The following CHST11 variants were observed in gnomAD, a reference collection of about 807,000 sequenced individuals.
CHST11 encodes the protein C4S-1.
A neutral mutation model predicts 30.4 loss-of-function variants in CHST11; 9 were observed. The ratio of observed to expected loss-of-function variants is 0.30; its 90% CI spans 0.18 to 0.52. CHST11 has a LOEUF of 0.52. Among genes scored for constraint, CHST11 ranks in the 20% least tolerant of loss-of-function variants. CHST11 has a pLI of 0.97. For missense variants in CHST11, 348 were observed against 460.6 expected (o/e 0.76, Z 2.24); for synonymous variants, 152 against 187.8 (o/e 0.81, Z 1.56).
At chr12:104,687,339 A>C (rs902112251) in intron 2 of CHST11, among the ~76,000 whole-genome samples, 3 of 152,248 alleles carry the variant, frequency 2.0e-5, no homozygotes, top group Non-Finnish European at 4.4e-5. Context: ...AATGTGTATA[A>C]ATCCTGGACA....
rs1017376466 is a variant in CHST11 at position 104,484,025 on chromosome 12, C to T, written c.118+26496C>T. Among the ~76,000 whole-genome samples, 169 of 152,212 alleles carry T rather than the reference C, an allele frequency of 1.1e-3. 2 individuals carry two copies. Among genetic ancestry groups the T allele is most frequent in the Non-Finnish European group, 4.3e-4 (29 of 68,046 alleles). On this transcript the variant is annotated intron_variant, in intron 1 of 2. Transcript: ENST00000303694. ...TACTGTCTGCGAAGGTCTGCTGTTT[C>T]TACTGCTACATAGTCACCTGCATCT...
chr12:104,457,799 T>C (rs575507035), intron 1 of CHST11, among the ~76,000 whole-genome samples: 4 of 148,278 alleles, frequency 2.7e-5, no homozygotes, highest in East Asian at 3.9e-4. Context: ...TTTTTTTTTT[T>C]TTTTTCTTCT....
At chr12:104,474,231 A>T (rs889741734) in intron 1 of CHST11, among the ~76,000 whole-genome samples, 2 of 152,204 alleles carry the variant, frequency 1.3e-5, no homozygotes, top group Admixed American at 6.5e-5. Flanking sequence ...AGGTTTCATT[A>T]TATATAGGGT....
At chr12:104,670,621 A>C (rs2039685488) in intron 2 of CHST11, among the ~76,000 whole-genome samples, 1 of 149,160 alleles carries the variant, frequency 6.7e-6, no homozygotes, top group African/African-American at 2.5e-5. Flanking sequence ...ATCCATACAC[A>C]CGCACTCACA....
intron 1 of CHST11, among the ~76,000 whole-genome samples, chr12:104,570,017 G>A (rs557049175): frequency 6.6e-5 from 10 of 152,158 alleles, no homozygotes; most frequent in Admixed American, 6.5e-5. Flanking sequence ...TGGTCTTGAC[G>A]TGTCTGACAA....
intron 2 of CHST11, among the ~76,000 whole-genome samples, chr12:104,679,370 C>T (rs371885392): frequency 2.0e-4 from 31 of 152,198 alleles, no homozygotes; most frequent in African/African-American, 5.8e-4. Flanking sequence ...TCTGTAAACC[C>T]GTTGGGAGGG....
chr12:104,536,625 G>A (rs951421254), intron 1 of CHST11, among the ~76,000 whole-genome samples: 1 of 152,210 alleles, frequency 6.6e-6, no homozygotes, highest in African/African-American at 2.4e-5. Context: ...GGCTCTGCCT[G>A]TCTTTTCATT....
intron 2 of CHST11, among the ~76,000 whole-genome samples, chr12:104,697,560 A>C (rs1185565849): frequency 6.6e-6 from 1 of 152,208 alleles, no homozygotes; most frequent in Non-Finnish European, 1.5e-5. Context: ...CACAGCCTCC[A>C]TAATCACACG....
At chr12:104,613,862 T>C (rs1896563) in intron 2 of CHST11, among the ~76,000 whole-genome samples, 98,173 of 152,042 alleles carry the variant, frequency 0.65, 32,051 homozygotes, top group East Asian at 0.91. Flanking sequence ...GTTGAACTGG[T>C]AGAAGCAGAG....
chr12:104,681,428 G>C (rs2039793995), intron 2 of CHST11, among the ~76,000 whole-genome samples: 1 of 152,140 alleles, frequency 6.6e-6, no homozygotes, highest in African/African-American at 2.4e-5. Context: ...GTTGCATAGG[G>C]CTTAGAAAGG....
rs150413352 is a variant in CHST11 at position 104,718,969 on chromosome 12, G to A, written c.205-37980G>A. Among the ~76,000 whole-genome samples the A allele has an allele frequency of 7.2e-5, 11 of 152,278 alleles. No individual in the cohort carries two copies. In the East Asian group the frequency reaches 2.1e-3, roughly 29 times the overall value. ...GAGCTTCTGTCGGGGAAGGTTCTCC[G>A]ACTTTCCAGGGTGCATGGAACCCCA... is the stretch of plus-strand genomic sequence containing the variant. On this transcript the variant is annotated intron_variant, in intron 2 of 2. Coordinates refer to ENST00000303694, the MANE Select transcript of CHST11 (RefSeq NM_018413.6).
At chr12:104,489,053 A>G (rs1240499631) in intron 1 of CHST11, among the ~76,000 whole-genome samples, 1 of 148,812 alleles carries the variant, frequency 6.7e-6, no homozygotes, top group Non-Finnish European at 1.5e-5. Context: ...TTTTTCCTTG[A>G]GATGGAGTTT....
chr12:104,515,434 C>T (rs761431128), intron 1 of CHST11, among the ~76,000 whole-genome samples: 42 of 152,156 alleles, frequency 2.8e-4, no homozygotes, highest in Non-Finnish European at 8.8e-5. Context: ...TCTTTCCCTC[C>T]GATGGTGTTA....
intron 1 of CHST11, among the ~76,000 whole-genome samples, chr12:104,479,740 C>T (rs947244233): frequency 2.0e-5 from 3 of 152,126 alleles, no homozygotes; most frequent in Non-Finnish European, 1.5e-5. Context: ...TGAAAATGGC[C>T]GCATGAACTT....
chr12:104,530,552 G>T (rs1365128039), intron 1 of CHST11, among the ~76,000 whole-genome samples: 1 of 152,210 alleles, frequency 6.6e-6, no homozygotes, highest in African/African-American at 2.4e-5. Flanking sequence ...TAAAGTCTTA[G>T]CAATCTACTT....
At chr12:104,744,984 C>T (rs1260128211) in intron 2 of CHST11, among the ~76,000 whole-genome samples, 3 of 151,876 alleles carry the variant, frequency 2.0e-5, no homozygotes, top group African/African-American at 7.2e-5. Flanking sequence ...AGCAATTCTC[C>T]TGCCTCAGCC....
intron 2 of CHST11, among the ~76,000 whole-genome samples, chr12:104,631,369 T>C (rs1429158878): frequency 4.6e-5 from 7 of 152,232 alleles, no homozygotes; most frequent in Admixed American, 4.6e-4. Flanking sequence ...CTGTTGGTGC[T>C]GTGCCCAGAC....
At chr12:104,519,989 A>C (rs2038060570) in intron 1 of CHST11, among the ~76,000 whole-genome samples, 1 of 152,148 alleles carries the variant, frequency 6.6e-6, no homozygotes, top group Admixed American at 6.5e-5. Context: ...TGTTTAATTT[A>C]GGAGGCACAG....
chr12:104,610,943 C>T (rs2039054689), intron 2 of CHST11, among the ~76,000 whole-genome samples: 2 of 152,296 alleles, frequency 1.3e-5, no homozygotes, highest in South Asian at 4.1e-4. Context: ...TATACAGAAT[C>T]CCAGGCACAT....
Sources: allele counts gnomAD v4.1 joint callset (sites outside exome capture counted in the v4.1 genomes callset), GRCh38; gene constraint gnomAD v4.1.1; transcripts MANE v1.5; gene names NCBI Gene and HGNC (gene_info 2026-07-23, HGNC 2026-07-21).